JARID2: variants seen among roughly 807,000 people sequenced by gnomAD.
The protein encoded by JARID2 is protein Jumonji.
A neutral mutation model predicts 125.6 loss-of-function variants in JARID2; 21 were observed. The observed-to-expected ratio is 0.17, with a 90% CI of 0.12 to 0.24. The LOEUF is 0.24. Among genes scored for constraint, JARID2 ranks in the 10% least tolerant of loss-of-function variants. The pLI is 1.00. For synonymous variants in JARID2, 736 were observed against 661.6 expected (o/e 1.11, Z -1.73); for missense variants, 1,303 against 1,639.6 (o/e 0.79, Z 3.55).
intron 1 of JARID2, among the ~76,000 whole-genome samples, chr6:15,251,027 CT>C (rs561581200): frequency 1.6e-4 from 24 of 146,268 alleles, no homozygotes; most frequent in East Asian, 4.0e-4. Context: ...TTTTTGTTTC[CT>C]TTTTTTTTTG....
chr6:15,379,355 A>G (rs1186290204), intron 2 of JARID2, among the ~76,000 whole-genome samples: 2 of 152,172 alleles, frequency 1.3e-5, no homozygotes, highest in African/African-American at 4.8e-5. Context: ...GCCACTTTTC[A>G]TGGATGTAAT....
At chr6:15,514,003 C>T (rs1470492063) in intron 16 of JARID2, among the ~76,000 whole-genome samples, 1 of 152,234 alleles carries the variant, frequency 6.6e-6, no homozygotes, top group Non-Finnish European at 1.5e-5. Flanking sequence ...CACTCCAGGC[C>T]ACAGCAGGCT....
At chr6:15,274,785 C>G (rs1254937008) in intron 1 of JARID2, among the ~76,000 whole-genome samples, 2 of 152,160 alleles carry the variant, frequency 1.3e-5, no homozygotes, top group Admixed American at 6.5e-5. Flanking sequence ...TATCCACTCC[C>G]CCTTTCCCAG....
chr6:15,480,815 A>C (rs576630611), intron 5 of JARID2, among the ~76,000 whole-genome samples: 2 of 152,228 alleles, frequency 1.3e-5, no homozygotes, highest in African/African-American at 4.8e-5. Context: ...AGAACTAGAC[A>C]TCAAAATCAA....
intron 1 of JARID2, among the ~76,000 whole-genome samples, chr6:15,262,625 G>C (rs1759926837): frequency 1.4e-5 from 2 of 147,306 alleles, no homozygotes; most frequent in African/African-American, 5.0e-5. Flanking sequence ...CTCCACTTCC[G>C]GGTCCCTGTT....
At chr6:15,348,457 G>A (rs1384468556) in intron 1 of JARID2, among the ~76,000 whole-genome samples, 1 of 152,020 alleles carries the variant, frequency 6.6e-6, no homozygotes, top group Non-Finnish European at 1.5e-5. Context: ...TGTGTGGAGG[G>A]GTTCTCAGTA....
chr6:15,351,938 G>A (rs146810992), intron 1 of JARID2, among the ~76,000 whole-genome samples: 100 of 152,250 alleles, frequency 6.6e-4, no homozygotes, highest in African/African-American at 2.3e-3. Context: ...TTGAGAGATG[G>A]TATTAAAGAG....
At chr6:15,413,131 TGCCTCA>T (rs1765978123) in intron 3 of JARID2, among the ~76,000 whole-genome samples, 1 of 150,576 alleles carries the variant, frequency 6.6e-6, no homozygotes, top group African/African-American at 2.4e-5. Flanking sequence ...GGGATTCTTC[TGCCTCA>T]GCCTTCCGAG....
At position 15,496,753 on chromosome 6, in the gene JARID2, G is replaced by GGCAGACAAGCACATGGCAAGGC; in HGVS notation, c.1530_1551dup (p.Asp518GlnfsTer13). On this transcript the variant is annotated frameshift_variant, in exon 7 of 18. Transcript: ENST00000341776. LOFTEE classifies it high-confidence loss of function. ...GGCCACGGCCGGGAAGAGCACGCCAGGCAGACAAGCACATGGCAAGGCGGA... is the reference window on the plus strand; with the variant it reads ...GGCCACGGCCGGGAAGAGCACGCCAGGCAGACAAGCACATGGCAAGGCGCAGACAAGCACATGGCAAGGCGGA... The GGCAGACAAGCACATGGCAAGGC allele has an allele frequency of 6.2e-7, 1 of 1,613,682 alleles. No homozygotes were observed. The highest frequency in any genetic ancestry group is 8.5e-7 in the Non-Finnish European group (1 of 1,179,962).
intron 1 of JARID2, among the ~76,000 whole-genome samples, chr6:15,250,861 C>A (rs1056828441): frequency 1.3e-5 from 2 of 152,048 alleles, no homozygotes; most frequent in African/African-American, 4.8e-5. Context: ...AAACTTTCCT[C>A]CTTCAGAACA....
chr6:15,311,457 A>G (rs1762008622), intron 1 of JARID2, among the ~76,000 whole-genome samples: 1 of 152,208 alleles, frequency 6.6e-6, no homozygotes. Context: ...CATGCCTGTA[A>G]TCCCAGCTAC....
At chr6:15,406,129 A>G (rs1399352308) in intron 2 of JARID2, among the ~76,000 whole-genome samples, 1 of 152,182 alleles carries the variant, frequency 6.6e-6, no homozygotes, top group Admixed American at 6.5e-5. Flanking sequence ...GCGCCTTCGT[A>G]AGGGCCAGTA....
chr6:15,357,765 T>A (rs184758166), intron 1 of JARID2, among the ~76,000 whole-genome samples: 15 of 152,340 alleles, frequency 9.8e-5, no homozygotes, highest in Admixed American at 9.2e-4. Context: ...GAAAGTGAGC[T>A]GTTTCCGGAT....
chr6:15,282,971 ATTTTTTTAT>A lies in JARID2; in HGVS notation c.45+36404_45+36412del, dbSNP rs1158539476. The stretch of plus-strand genomic sequence containing the variant: ...GTTCCTGAAATCTATCTATCTATCT[ATTTTTTTAT>A]TTTTTTTATTTTTTTTGAGACGGAG... On this transcript the variant is annotated intron_variant, in intron 1 of 17. Coordinates refer to ENST00000341776, the MANE Select transcript of JARID2 (RefSeq NM_004973.4). 6.0e-5 allele frequency among the ~76,000 whole-genome samples: 9 copies of A among 149,532 alleles called. No individual in the cohort carries two copies. In the South Asian group the frequency reaches 6.4e-4, roughly 11 times the overall value.
chr6:15,407,689 A>C (rs1451592417), intron 2 of JARID2, among the ~76,000 whole-genome samples: 1 of 151,540 alleles, frequency 6.6e-6, no homozygotes, highest in Non-Finnish European at 1.5e-5. Flanking sequence ...GCAAATCCCA[A>C]CTTTCTTGTT....
intron 1 of JARID2, among the ~76,000 whole-genome samples, chr6:15,261,878 G>A (rs1341205449): frequency 6.8e-6 from 1 of 146,326 alleles, no homozygotes; most frequent in African/African-American, 2.6e-5. Context: ...CCACCTCCCT[G>A]GTTCAAGCAA....
At chr6:15,516,391 T>G (rs753142927) in intron 16 of JARID2, among the ~76,000 whole-genome samples, 1 of 152,230 alleles carries the variant, frequency 6.6e-6, no homozygotes, top group East Asian at 1.9e-4. Context: ...GGTGGCTGTT[T>G]CCTTTCATCC....
intron 3 of JARID2, among the ~76,000 whole-genome samples, chr6:15,416,692 G>A (rs1235481319): frequency 7.7e-5 from 11 of 142,714 alleles, no homozygotes; most frequent in Admixed American, 6.8e-4. Context: ...GAGAGGGAGA[G>A]GGAGACCGTG....
At chr6:15,304,216 G>A (rs949296212) in intron 1 of JARID2, among the ~76,000 whole-genome samples, 2 of 150,094 alleles carry the variant, frequency 1.3e-5, no homozygotes, top group African/African-American at 4.9e-5. Context: ...TGCCCATCTC[G>A]CTGCGCAGCC....
Sources: gnomAD v4.1 joint callset for allele counts (sites outside exome capture counted in the v4.1 genomes callset) on GRCh38, gnomAD v4.1.1 for gene constraint, MANE v1.5 for transcripts, NCBI Gene and HGNC (gene_info 2026-07-23, HGNC 2026-07-21) for gene names.